Variants in LMNTD1 observed in about 807,000 individuals in gnomAD.
LMNTD1 encodes lamin tail domain-containing protein 1.
LMNTD1 carries 35 observed loss-of-function variants against 50.9 expected under a neutral mutation model. That is an observed-to-expected ratio of 0.69 (90% CI 0.53 to 0.91). The LOEUF (loss-of-function observed/expected upper bound fraction) is 0.91. Ranked by LOEUF, LMNTD1 falls within the 40% of genes least tolerant of loss-of-function variation. The pLI is 0.00. For missense variants in LMNTD1, 470 were observed against 475.5 expected, an observed-to-expected ratio of 0.99 and a Z score of 0.11; for synonymous variants, 153 against 161.9, an observed-to-expected ratio of 0.94 and a Z score of 0.42.
chr12:25,487,912 G>A (rs1938717228), intron 9 of LMNTD1, among the ~76,000 whole-genome samples: 1 of 132,126 alleles, frequency 7.6e-6, no homozygotes, highest in South Asian at 2.8e-4. Context: ...GGCTGGATAT[G>A]AAATTCTGGG....
At chr12:25,518,610 G>A (rs1940979201) in intron 8 of LMNTD1, among the ~76,000 whole-genome samples, 185 bp downstream of exon 8, 1 of 152,162 alleles carries the variant, frequency 6.6e-6, no homozygotes, top group African/African-American at 2.4e-5. Flanking sequence ...CTAGCACAGT[G>A]GAAGACACTG....
At chr12:25,638,863 A>G (rs1319321822) in intron 1 of LMNTD1, among the ~76,000 whole-genome samples, 1 of 152,160 alleles carries the variant, frequency 6.6e-6, no homozygotes, top group Non-Finnish European at 1.5e-5. Context: ...CAAAATAACC[A>G]AAACAATCTG....
At chr12:25,578,615 A>G (rs1355698385) in intron 1 of LMNTD1, among the ~76,000 whole-genome samples, 1 of 152,196 alleles carries the variant, frequency 6.6e-6, no homozygotes, top group Non-Finnish European at 1.5e-5. Context: ...AGACTAGTGC[A>G]GATTCAGACT....
At chr12:25,625,777 T>C (rs755326556) in intron 1 of LMNTD1, among the ~76,000 whole-genome samples, 57 of 152,184 alleles carry the variant, frequency 3.7e-4, no homozygotes, top group Non-Finnish European at 7.3e-5. Flanking sequence ...CTGCTGGGCC[T>C]TGGCCTCACC....
At chr12:25,574,585 T>A (rs1011518302) in intron 1 of LMNTD1, among the ~76,000 whole-genome samples, 4 of 152,178 alleles carry the variant, frequency 2.6e-5, no homozygotes, top group African/African-American at 9.7e-5. Flanking sequence ...TCATAAAGTA[T>A]TTTCTGATTC....
chr12:25,539,789 G>T (rs1202412032), intron 4 of LMNTD1, among the ~76,000 whole-genome samples: 3 of 129,918 alleles, frequency 2.3e-5, no homozygotes, highest in African/African-American at 8.4e-5. Flanking sequence ...TCCAGGAGCT[G>T]GTTTTTTGAA....
chr12:25,588,240 C>T (rs1945600237), intron 1 of LMNTD1, among the ~76,000 whole-genome samples: 1 of 152,104 alleles, frequency 6.6e-6, no homozygotes, highest in South Asian at 2.1e-4. Flanking sequence ...AATCAAATCT[C>T]CTGACTCATC....
At chr12:25,539,219 C>T (rs1277465104) in intron 4 of LMNTD1, among the ~76,000 whole-genome samples, 20 of 145,676 alleles carry the variant, frequency 1.4e-4, no homozygotes, top group Admixed American at 2.7e-4. Flanking sequence ...CTGCACCAAG[C>T]GGACCTAATA....
At chr12:25,607,986 T>A (rs1280414062) in intron 1 of LMNTD1, among the ~76,000 whole-genome samples, 1 of 152,152 alleles carries the variant, frequency 6.6e-6, no homozygotes, top group Non-Finnish European at 1.5e-5. Context: ...TTTGTAGGTC[T>A]CTCAGGACTT....
At chr12:25,497,505 G>A (rs892288199) in intron 9 of LMNTD1, 1 of 152,768 alleles carries the variant, frequency 6.5e-6, no homozygotes, top group African/African-American at 2.4e-5. Context: ...TGCAACAAAA[G>A]CATATGTTTG....
intron 9 of LMNTD1, chr12:25,503,063 C>G (rs937548945): frequency 6.6e-6 from 1 of 152,110 alleles, no homozygotes; most frequent in Non-Finnish European, 1.5e-5. Flanking sequence ...ACAACAACAA[C>G]AAGAAAACAT....
At chr12:25,640,501 C>T (rs1291976319) in intron 1 of LMNTD1, among the ~76,000 whole-genome samples, 3 of 133,024 alleles carry the variant, frequency 2.3e-5, no homozygotes, top group African/African-American at 3.2e-5. Flanking sequence ...GTGAGACTGT[C>T]TCAAAAAAAA....
chr12:25,550,266 C>G (rs1446082843), intron 2 of LMNTD1, among the ~76,000 whole-genome samples: 2 of 152,148 alleles, frequency 1.3e-5, no homozygotes, highest in Non-Finnish European at 2.9e-5. Flanking sequence ...GAACAAGGTT[C>G]ATAAGCTTCA....
intron 1 of LMNTD1, among the ~76,000 whole-genome samples, chr12:25,563,564 T>G (rs1317076922): frequency 6.6e-6 from 1 of 152,200 alleles, no homozygotes; most frequent in Non-Finnish European, 1.5e-5. Context: ...TACTGGGAGA[T>G]GTCTCCCAGT....
intron 1 of LMNTD1, among the ~76,000 whole-genome samples, chr12:25,579,400 T>C (rs11830654): frequency 0.019 from 2,907 of 152,258 alleles, 70 homozygotes; most frequent in African/African-American, 0.059. Flanking sequence ...GTAGGTTATA[T>C]GCAAATATCA....
At position 25,518,802 on chromosome 12, in the gene LMNTD1, T is replaced by A. The variant is rs1940995954; in HGVS notation, c.1182A>T (p.Arg394=). The A allele has an allele frequency of 2.5e-6, 4 of 1,614,068 alleles. No individual in the cohort carries two copies. The highest frequency in any genetic ancestry group is 4.5e-5 in the East Asian group (2 of 44,864). Residue 394 remains arginine (R), a synonymous_variant, in exon 8 of 10, where the codon CGA becomes CGT. Coordinates refer to ENST00000458174, the MANE Select transcript of LMNTD1 (RefSeq NM_001145728.2). ...QPRTRSTRPN[R]ASGSKKKKTS... ...AGCACTCTTTTAACTGACCTGAGGC[T>A]CGATTAGGTCTGGTTGACCGAGTCC...
At chr12:25,495,565 G>A (rs1399500453) in intron 9 of LMNTD1, among the ~76,000 whole-genome samples, 1 of 152,110 alleles carries the variant, frequency 6.6e-6, no homozygotes, top group Non-Finnish European at 1.5e-5. Flanking sequence ...ATCTAAGGCT[G>A]TTGAAACCTA....
intron 3 of LMNTD1, among the ~76,000 whole-genome samples, chr12:25,548,292 G>C (rs1943554653): frequency 1.5e-5 from 2 of 135,890 alleles, no homozygotes; most frequent in Admixed American, 1.5e-4. Flanking sequence ...ATGAAATATA[G>C]ATGAGGGGCA....
At chr12:25,496,885 C>T (rs1311496490) in intron 9 of LMNTD1, among the ~76,000 whole-genome samples, 1 of 152,104 alleles carries the variant, frequency 6.6e-6, no homozygotes, top group East Asian at 1.9e-4. Context: ...CCCTTTCCAG[C>T]ACAGCCCCTA....
Sources: gnomAD v4.1 joint callset for allele counts (sites outside exome capture counted in the v4.1 genomes callset) on GRCh38, gnomAD v4.1.1 for gene constraint, MANE v1.5 for transcripts, NCBI Gene and HGNC (gene_info 2026-07-23, HGNC 2026-07-21) for gene names.